CMIP: variants seen among roughly 807,000 people sequenced by gnomAD.
CMIP encodes c-Maf inducing protein.
In CMIP, 13 loss-of-function variants were observed where a neutral mutation model predicts 97.3. The ratio of observed to expected loss-of-function variants is 0.13; its 90% confidence interval spans 0.09 to 0.21. The LOEUF (loss-of-function observed/expected upper bound fraction) is 0.21. Ranked by LOEUF, CMIP falls within the 10% of genes least tolerant of loss-of-function variation. The pLI is 1.00. For synonymous variants in CMIP, 538 were observed against 436.3 expected (o/e 1.23, Z -2.91); for missense variants, 847 against 1,024.9 (o/e 0.83, Z 2.37).
chr16:81,473,691 G>A (rs1427983342), intron 1 of CMIP, among the ~76,000 whole-genome samples: 1 of 152,046 alleles, frequency 6.6e-6, no homozygotes, highest in Non-Finnish European at 1.5e-5. Flanking sequence ...GACCCCTGTA[G>A]GACTTGGGCC....
At chr16:81,506,577 A>G (rs556738036) in intron 1 of CMIP, among the ~76,000 whole-genome samples, 21 of 152,380 alleles carry the variant, frequency 1.4e-4, no homozygotes, top group African/African-American at 3.8e-4. Context: ...TGATTGGGGA[A>G]AAGTCTTCCG....
At chr16:81,600,536 G>T (rs1252238609) in intron 1 of CMIP, among the ~76,000 whole-genome samples, 2 of 152,166 alleles carry the variant, frequency 1.3e-5, no homozygotes, top group Admixed American at 1.3e-4. Flanking sequence ...TCCAGAACAG[G>T]CAAGTCCCAT....
At chr16:81,647,369 A>G (rs1382087108) in intron 3 of CMIP, among the ~76,000 whole-genome samples, 2 of 152,320 alleles carry the variant, frequency 1.3e-5, no homozygotes, top group East Asian at 3.9e-4. Context: ...ATTTTCCGTC[A>G]CAACTCCTAC....
At chr16:81,702,030 C>T (rs1293133233) in intron 16 of CMIP, among the ~76,000 whole-genome samples, 1 of 152,224 alleles carries the variant, frequency 6.6e-6, no homozygotes, top group East Asian at 1.9e-4. Flanking sequence ...ACATTGCCCA[C>T]CCTCCCTCCT....
intron 1 of CMIP, among the ~76,000 whole-genome samples, chr16:81,450,778 A>G (rs1285774494): frequency 6.6e-6 from 1 of 152,206 alleles, no homozygotes; most frequent in African/African-American, 2.4e-5. Context: ...CAAAAATTGA[A>G]ATACTCATGT....
chr16:81,670,182 A>C lies in CMIP; in HGVS notation c.866A>C (p.Glu289Ala), dbSNP rs757849921. The C allele has an allele frequency of 4.3e-6, 7 of 1,611,796 alleles. No homozygotes were observed. The highest frequency in any genetic ancestry group is 5.9e-6 in the Non-Finnish European group (7 of 1,179,160). The part of the protein sequence containing the change: ...KCPRLRLFTQ[E>A]YILALNELNA... ...CCGCGACTGAGGCTGTTTACTCAGG[A>C]GTACATCCTTGCCTTGAACGAGCTC... Residue 289 changes from glutamate (E) to alanine (A), a missense_variant, in exon 8 of 21, where the codon GAG (glutamate) becomes GCG (alanine). Physicochemically the swap from Glu to Ala is moderately radical, Grantham distance 107. Coordinates refer to ENST00000537098, the MANE Select transcript of CMIP (RefSeq NM_198390.3).
At chr16:81,507,219 A>C (rs916293954) in intron 1 of CMIP, among the ~76,000 whole-genome samples, 5 of 152,200 alleles carry the variant, frequency 3.3e-5, no homozygotes, top group African/African-American at 1.2e-4. Context: ...GTGCCACTGC[A>C]CTCCAGCCTG....
chr16:81,613,963 G>T (rs947230483), intron 2 of CMIP, among the ~76,000 whole-genome samples: 2 of 152,158 alleles, frequency 1.3e-5, no homozygotes, highest in Non-Finnish European at 2.9e-5. Flanking sequence ...TAAGTCAGAC[G>T]TGGTTCCTGA....
chr16:81,483,824 G>C (rs751718349), intron 1 of CMIP, among the ~76,000 whole-genome samples: 1 of 152,132 alleles, frequency 6.6e-6, no homozygotes, highest in African/African-American at 2.4e-5. Flanking sequence ...TTCGCAACCC[G>C]TCCTGCAGCA....
chr16:81,596,506 C>CAAA (rs1164896590), intron 1 of CMIP, among the ~76,000 whole-genome samples: 1,108 of 88,932 alleles, frequency 0.012, 25 homozygotes, highest in African/African-American at 0.039. Context: ...GGCCCTGTCT[C>CAAA]AAAAAAAAAA....
At chr16:81,474,742 C>A (rs375351871) in intron 1 of CMIP, among the ~76,000 whole-genome samples, 1 of 152,256 alleles carries the variant, frequency 6.6e-6, no homozygotes, top group Non-Finnish European at 1.5e-5. Flanking sequence ...GGCTCCCTCT[C>A]CTCTGGTCCT....
intron 1 of CMIP, among the ~76,000 whole-genome samples, chr16:81,564,947 G>T (rs187977705): frequency 1.3e-5 from 2 of 152,080 alleles, no homozygotes; most frequent in South Asian, 2.1e-4. Flanking sequence ...CAGGTGGGAG[G>T]CATGAACCTG....
intron 1 of CMIP, among the ~76,000 whole-genome samples, chr16:81,599,649 T>C (rs1320711683): frequency 6.6e-6 from 1 of 152,146 alleles, no homozygotes; most frequent in Non-Finnish European, 1.5e-5. Context: ...CAGAGGAATT[T>C]GGCATAACAG....
At chr16:81,670,589 G>A (rs2092673061) in intron 8 of CMIP, among the ~76,000 whole-genome samples, 1 of 135,182 alleles carries the variant, frequency 7.4e-6, no homozygotes, top group African/African-American at 2.8e-5. Context: ...ACTCACTTTT[G>A]GTTCTTGGGG....
intron 1 of CMIP, among the ~76,000 whole-genome samples, chr16:81,531,282 CAGCCCCAGA>C (rs887651459): frequency 7.9e-5 from 12 of 152,168 alleles, no homozygotes; most frequent in African/African-American, 1.7e-4. Flanking sequence ...AGGATTTTGG[CAGCCCCAGA>C]AGCCCCAGAA....
intron 1 of CMIP, among the ~76,000 whole-genome samples, chr16:81,445,972 AAAAC>A (rs369768924): frequency 3.9e-4 from 60 of 152,006 alleles, no homozygotes; most frequent in African/African-American, 1.0e-3. Flanking sequence ...TTTAAAAAAA[AAAAC>A]AAACAACACA....
chr16:81,558,769 C>T (rs774919206), intron 1 of CMIP, among the ~76,000 whole-genome samples: 3 of 152,218 alleles, frequency 2.0e-5, no homozygotes, highest in Non-Finnish European at 4.4e-5. Flanking sequence ...TGGATTGTCT[C>T]ATTTCAGTCC....
chr16:81,572,456 A>G (rs552542301), intron 1 of CMIP, among the ~76,000 whole-genome samples: 5 of 152,294 alleles, frequency 3.3e-5, no homozygotes, highest in Non-Finnish European at 4.4e-5. Flanking sequence ...CCTAAGCGGT[A>G]CTTCTCTGCA....
At chr16:81,611,756 C>T (rs2091835627) in intron 2 of CMIP, among the ~76,000 whole-genome samples, 1 of 152,192 alleles carries the variant, frequency 6.6e-6, no homozygotes, top group African/African-American at 2.4e-5. Flanking sequence ...TTCTAAGGAG[C>T]TCTTTGTAAA....
Sources: allele counts gnomAD v4.1 joint callset (sites outside exome capture counted in the v4.1 genomes callset), GRCh38; gene constraint gnomAD v4.1.1; transcripts MANE v1.5; gene names NCBI Gene and HGNC (gene_info 2026-07-23, HGNC 2026-07-21).